Variants in WDFY4 observed in about 807,000 individuals in gnomAD.
The protein encoded by WDFY4 is WD repeat- and FYVE domain-containing protein 4.
A neutral mutation model predicts 351.9 loss-of-function variants in WDFY4; 169 were observed. The observed-to-expected ratio is 0.48, with a 90% CI of 0.42 to 0.55. The LOEUF is 0.55. Among genes scored for constraint, WDFY4 ranks in the 20% least tolerant of loss-of-function variants. The pLI is 0.00. For synonymous variants in WDFY4, 1,622 were observed against 1,574.6 expected (o/e 1.03, Z -0.71); for missense variants, 3,803 against 3,935.6 (o/e 0.97, Z 0.90).
intron 12 of WDFY4, among the ~76,000 whole-genome samples, chr10:48,749,939 T>C (rs1460044878): frequency 2.0e-5 from 3 of 152,200 alleles, no homozygotes; most frequent in African/African-American, 4.8e-5. Context: ...CAGTCACCTT[T>C]ACCTTGAACT....
chr10:48,873,690 G>A lies in WDFY4; in HGVS notation c.6941G>A (p.Arg2314Lys). 1 of 1,551,756 alleles carries A rather than the reference G, an allele frequency of 6.4e-7. No homozygotes were observed. The highest frequency in any genetic ancestry group is 8.7e-7 in the Non-Finnish European group (1 of 1,147,014). The part of the protein sequence containing the change: ...LSPLEALSSG[R>K]HKESQDKNDH... ...CCTTTGGAGGCCCTGAGCTCAGGAA[G>A]GCACAAGGTAGGAGTCAGGCGCAGT... The change falls in exon 41 of 62, where the codon AGG becomes AAG. Residue 2314 changes from arginine (R) to lysine (K), a missense_variant. By Grantham distance (26) the Arg-to-Lys change is conservative. Coordinates refer to ENST00000325239, the MANE Select transcript of WDFY4 (RefSeq NM_001394531.1).
At chr10:48,803,812 T>C (rs1473885137) in intron 25 of WDFY4, among the ~76,000 whole-genome samples, 1 of 152,200 alleles carries the variant, frequency 6.6e-6, no homozygotes, top group Non-Finnish European at 1.5e-5. Context: ...TCGTTGGCTC[T>C]TACAATTGAA....
intron 40 of WDFY4, among the ~76,000 whole-genome samples, chr10:48,867,629 C>T (rs565770456): frequency 4.6e-5 from 7 of 152,282 alleles, no homozygotes; most frequent in South Asian, 4.1e-4. Context: ...CCTTTCTATG[C>T]CAGTGGTCTG....
chr10:48,723,082 T>G (rs773873932), intron 4 of WDFY4, among the ~76,000 whole-genome samples: 2 of 152,052 alleles, frequency 1.3e-5, no homozygotes, highest in Non-Finnish European at 2.9e-5. Flanking sequence ...TCACACAGTA[T>G]GATTTGTTAG....
intron 47 of WDFY4, among the ~76,000 whole-genome samples, chr10:48,921,619 T>C (rs1240813856): frequency 2.0e-5 from 3 of 151,044 alleles, no homozygotes; most frequent in Non-Finnish European, 4.4e-5. Flanking sequence ...AAAAAAAACG[T>C]TGAGCATGAA....
At chr10:48,872,343 G>A (rs1309638054) in intron 40 of WDFY4, among the ~76,000 whole-genome samples, 1 of 152,184 alleles carries the variant, frequency 6.6e-6, no homozygotes, top group East Asian at 1.9e-4. Flanking sequence ...AACAGACCAG[G>A]TTTAAATCTC....
intron 59 of WDFY4, 80 bp from the exon 60 acceptor site, chr10:48,978,229 G>A (rs556475014): frequency 9.0e-5 from 128 of 1,428,754 alleles, no homozygotes; most frequent in South Asian, 2.5e-4. Context: ...ACCCCTAGGC[G>A]TGAGGAAATG....
intron 30 of WDFY4, among the ~76,000 whole-genome samples, chr10:48,812,190 G>GTT (rs199764757): frequency 0.064 from 8,790 of 136,968 alleles, 566 homozygotes; most frequent in African/African-American, 0.092. Flanking sequence ...TTTTTTTTTT[G>GTT]TTTTTTTTGT....
intron 23 of WDFY4, among the ~76,000 whole-genome samples, chr10:48,791,335 G>T (rs978953122): frequency 3.9e-5 from 6 of 152,240 alleles, no homozygotes; most frequent in Non-Finnish European, 7.3e-5. Flanking sequence ...GTAAGATATG[G>T]ACTGTAATAG....
chr10:48,735,173 C>T (rs912457459), intron 10 of WDFY4, among the ~76,000 whole-genome samples: 4 of 152,102 alleles, frequency 2.6e-5, no homozygotes, highest in Non-Finnish European at 5.9e-5. Flanking sequence ...CCTGTCTGCT[C>T]AAATCTCCAT....
chr10:48,878,929 G>A (rs1252206691), intron 43 of WDFY4, among the ~76,000 whole-genome samples: 2 of 152,152 alleles, frequency 1.3e-5, no homozygotes, highest in African/African-American at 4.8e-5. Flanking sequence ...ATTTTATTTT[G>A]ATAATGGAAG....
intron 61 of WDFY4, among the ~76,000 whole-genome samples, chr10:48,982,299 C>T (rs555006053): frequency 1.3e-5 from 2 of 152,030 alleles, no homozygotes; most frequent in Admixed American, 1.3e-4. Flanking sequence ...GCTGTGGGAG[C>T]CACCACCCTC....
intron 58 of WDFY4, among the ~76,000 whole-genome samples, chr10:48,975,933 A>G (rs2131862858): frequency 6.6e-6 from 1 of 152,304 alleles, no homozygotes; most frequent in Admixed American, 6.5e-5. Flanking sequence ...TGATGTATAG[A>G]AGGCATTGAA....
intron 44 of WDFY4, among the ~76,000 whole-genome samples, chr10:48,892,452 G>A (rs1163493903): frequency 6.6e-6 from 1 of 152,144 alleles, no homozygotes; most frequent in Non-Finnish European, 1.5e-5. Context: ...TACTACCCTG[G>A]AATTGCACTG....
At chr10:48,757,802 A>T (rs1479690029) in intron 12 of WDFY4, among the ~76,000 whole-genome samples, 5 of 151,892 alleles carry the variant, frequency 3.3e-5, no homozygotes, top group Non-Finnish European at 7.4e-5. Flanking sequence ...ACTGCAGTAT[A>T]CTTAATTAAC....
At chr10:48,834,547 T>A (rs1397934699) in intron 39 of WDFY4, among the ~76,000 whole-genome samples, 1 of 152,252 alleles carries the variant, frequency 6.6e-6, no homozygotes, top group Non-Finnish European at 1.5e-5. Flanking sequence ...AGGTGATATG[T>A]GTACCAAGTC....
At chr10:48,727,710 G>A (rs1178160836) in intron 7 of WDFY4, 51 bp downstream of exon 7, 40 of 1,539,624 alleles carry the variant, frequency 2.6e-5, no homozygotes, top group South Asian at 6.0e-5. Flanking sequence ...CAAAGCCTTA[G>A]TCCTCAGAAT....
At chr10:48,916,035 C>A (rs6537584) in intron 47 of WDFY4, among the ~76,000 whole-genome samples, 63,843 of 152,014 alleles carry the variant, frequency 0.42, 13,641 homozygotes, top group South Asian at 0.58. Context: ...CTCACTTGGT[C>A]CCACCAAACT....
At chr10:48,825,336 T>C (rs1387541936) in intron 35 of WDFY4, among the ~76,000 whole-genome samples, 2 of 152,236 alleles carry the variant, frequency 1.3e-5, no homozygotes, top group Non-Finnish European at 1.5e-5. Context: ...ATATACACCA[T>C]ATTTTCTTTA....
Sources: allele counts gnomAD v4.1 joint callset (sites outside exome capture counted in the v4.1 genomes callset), GRCh38; gene constraint gnomAD v4.1.1; transcripts MANE v1.5; gene names NCBI Gene and HGNC (gene_info 2026-07-23, HGNC 2026-07-21).